RYR1: variants seen among roughly 807,000 people sequenced by gnomAD.
RYR1 encodes ryanodine receptor 1, also known as central core disease of muscle.
In RYR1, 342 loss-of-function variants were observed where a neutral mutation model predicts 583.5. The ratio of observed to expected loss-of-function variants is 0.59; its 90% CI spans 0.54 to 0.64. The LOEUF (loss-of-function observed/expected upper bound fraction) is 0.64. Ranked by LOEUF, RYR1 falls within the 30% of genes least tolerant of loss-of-function variation. RYR1 has a pLI of 0.00. For missense variants in RYR1, 6,032 were observed against 6,917.2 expected (o/e 0.87, Z 4.54); for synonymous variants, 2,791 against 2,822.5 (o/e 0.99, Z 0.35).
intron 89 of RYR1, among the ~76,000 whole-genome samples, chr19:38,554,455 GA>G (rs368763894): frequency 0.042 from 5,783 of 138,862 alleles, 172 homozygotes; most frequent in Middle Eastern, 0.064. Flanking sequence ...AGTCTCAAAA[GA>G]AAAAAAAAAT....
chr19:38,529,066 T>G lies in RYR1; in HGVS notation c.11141+9T>G, dbSNP rs765727775. On this transcript the variant is annotated intron_variant, in intron 76 of 105. Coordinates refer to ENST00000359596, the MANE Select transcript of RYR1 (RefSeq NM_000540.3). Reference sequence around the variant, plus strand: ...GCCCTGACGGAAAAGAGGTGAAGACTCTTGCCAGGGCCCCAGAAATGCCCC... The same window carrying G: ...GCCCTGACGGAAAAGAGGTGAAGACGCTTGCCAGGGCCCCAGAAATGCCCC... The G allele has an allele frequency of 3.9e-5, 63 of 1,613,224 alleles. No individual in the cohort carries two copies. The South Asian group carries it at 4.1e-4, about 10-fold the overall frequency.
Position 38,526,990 on chromosome 19 carries a change from C to T in RYR1, c.10627-3C>T. ...GTGACCCAGCCTGGCTCTGTCTCCC[C>T]AGAAAGACACAGATGAGGAGGTCCG... On this transcript the variant is annotated splice_polypyrimidine_tract_variant and splice_region_variant and intron_variant, in intron 71 of 105. Transcript: ENST00000359596. The T allele has an allele frequency of 6.2e-7, 1 of 1,613,774 alleles. No homozygotes were observed. The highest frequency in any genetic ancestry group is 1.3e-5 in the African/African-American group (1 of 74,982).
Position 38,458,260 on chromosome 19 carries a change from C to A in RYR1, c.2135C>A (p.Ser712Tyr), listed in dbSNP as rs1555769917. ...GGNGVGDDLY[S>Y]YGFDGLHLWT... ...AACGGGGTCGGCGATGACCTCTATTCCTACGGCTTTGATGGACTGCATCTC... is the reference window on the plus strand; with the variant it reads ...AACGGGGTCGGCGATGACCTCTATTACTACGGCTTTGATGGACTGCATCTC... The change falls in exon 18 of 106, where the codon TCC (serine) becomes TAC (tyrosine). Residue 712 changes from serine (S) to tyrosine (Y), a missense_variant. Transcript: ENST00000359596. The A allele has an allele frequency of 3.1e-6, 5 of 1,614,084 alleles. No individual in the cohort carries two copies. The highest frequency in any genetic ancestry group is 4.2e-6 in the Non-Finnish European group (5 of 1,180,014).
chr19:38,485,852 T>A lies in RYR1; in HGVS notation c.5197T>A (p.Tyr1733Asn), dbSNP rs756196473. ...CRSRRSMLSE[Y>N]IVPLTPETRA... Reference sequence around the variant, plus strand: ...CAGCCGCCGCTCCATGCTCTCTGAATACATCGTGCCCCTCACGCCTGAGAC... The same window carrying A: ...CAGCCGCCGCTCCATGCTCTCTGAAAACATCGTGCCCCTCACGCCTGAGAC... Residue 1733 changes from tyrosine to asparagine, a missense_variant, in exon 34 of 106, where the codon TAC becomes AAC. Transcript: ENST00000359596. The A allele has an allele frequency of 1.2e-6, 2 of 1,613,750 alleles. No homozygotes were observed. The highest frequency in any genetic ancestry group is 1.7e-6 in the Non-Finnish European group (2 of 1,179,966).
At position 38,496,388 on chromosome 19, in the gene RYR1, T is replaced by G. The variant is rs765710007; in HGVS notation, c.6664-21T>G. ...GGAGGCAGCCACAGAGGGCAGGCCC[T>G]GACCACCCTGCCTGTCCCAGGAGAT... is the stretch of plus-strand genomic sequence containing the variant. On this transcript the variant is annotated intron_variant, in intron 40 of 105. Transcript: ENST00000359596. The surrounding 1 kb of genome is among the most constrained non-coding windows in gnomAD (Gnocchi z 4.8). 1 of 1,613,794 alleles carries G rather than the reference T, an allele frequency of 6.2e-7. No individual in the cohort carries two copies. The highest frequency in any genetic ancestry group is 2.2e-5 in the East Asian group (1 of 44,878).
Position 38,565,589 on chromosome 19 carries a change from G to C in RYR1, c.13255G>C (p.Ala4419Pro). 1.4e-6 allele frequency: 2 copies of C among 1,463,712 alleles called. No individual in the cohort carries two copies. The highest frequency in any genetic ancestry group is 2.7e-5 in the South Asian group (2 of 74,656). 90.7% of individuals were successfully genotyped at this position (1,463,712 alleles called of 1,614,324 possible). A position where few individuals can be genotyped will look rare whatever the true frequency, so the allele number is the denominator to read the frequency against. The part of the protein sequence containing the change: ...SEGAGDAAEG[A>P]GDEEEAVHEA... ...GGGCGCTGGAGACGCCGCGGAGGGC[G>C]CTGGAGACGAGGAGGAGGCGGTGCA... is the stretch of plus-strand genomic sequence containing the variant. Residue 4419 changes from alanine to proline, a missense_variant, in exon 91 of 106, where the codon GCT (alanine) becomes CCT (proline). Ala to Pro is a conservative substitution (Grantham distance 27). Around this residue, in one of 11 missense-constraint regions of RYR1, gnomAD observed 753 missense variants for 759.6 expected, o/e 0.99. Transcript: ENST00000359596. This position sits in a 1 kb window ranked among gnomAD's most constrained non-coding sequence, Gnocchi z 4.7.
At chr19:38,479,715 T>A (rs1246586887) in intron 31 of RYR1, among the ~76,000 whole-genome samples, 2 of 149,918 alleles carry the variant, frequency 1.3e-5, no homozygotes, top group Non-Finnish European at 3.0e-5. Flanking sequence ...GCCTGGCTTA[T>A]TTTTTATTTT....
At chr19:38,562,820 TC>T (rs1339962880) in intron 90 of RYR1, among the ~76,000 whole-genome samples, 2 of 152,134 alleles carry the variant, frequency 1.3e-5, no homozygotes, top group East Asian at 3.9e-4. Context: ...TTTGGCATCT[TC>T]CCATGCCGCC....
intron 67 of RYR1, among the ~76,000 whole-genome samples, chr19:38,519,835 C>T (rs1019233817): frequency 1.3e-5 from 2 of 151,916 alleles, no homozygotes; most frequent in Non-Finnish European, 2.9e-5. Flanking sequence ...CATGCCACCA[C>T]GCCCAGCTAA....
chr19:38,546,549 G>A, intron 88 of RYR1, 23 bp downstream of exon 88: 1 of 1,600,608 alleles, frequency 6.2e-7, no homozygotes, highest in Admixed American at 1.7e-5. Flanking sequence ...GAGTGAGGGT[G>A]AGGGAACAGT....
rs776979677 is a variant in RYR1, at chr19:38,565,122, AGGGCGC to A, written c.12797_12802del (p.Gly4266_Ala4267del). The A allele has an allele frequency of 3.3e-6, 5 of 1,536,216 alleles. No homozygotes were observed. The Admixed American group carries it at 5.9e-5, about 18-fold the overall frequency. On this transcript the variant is annotated inframe_deletion, in exon 91 of 106. Transcript: ENST00000359596. This position sits in a 1 kb window ranked among gnomAD's most constrained non-coding sequence, Gnocchi z 4.7. ...GGCGAGCCGGAGACCGACGAGGACGAGGGCGCGGGCGCGGCGGAGGCGGGCGCGGAA... is the reference window on the plus strand; with the variant it reads ...GGCGAGCCGGAGACCGACGAGGACGAGGGCGCGGCGGAGGCGGGCGCGGAA...
rs1311461830 is a variant in RYR1, at chr19:38,536,618, G to T, written c.11591-132G>T. 3.9e-6 allele frequency: 4 copies of T among 1,030,698 alleles called. No individual in the cohort carries two copies. The Admixed American group carries it at 7.9e-5, about 20-fold the overall frequency. 63.8% of individuals were successfully genotyped at this position (1,030,698 alleles called of 1,614,324 possible). A position where few individuals can be genotyped will look rare whatever the true frequency, so the allele number is the denominator to read the frequency against. On this transcript the variant is annotated intron_variant, in intron 82 of 105. Transcript: ENST00000359596. Reference sequence around the variant, plus strand: ...TATCACTCTGCCTTTCTCTCTGTGGGTTGTTCCTCTCTCTCTGTGTGTCTT... The same window carrying T: ...TATCACTCTGCCTTTCTCTCTGTGGTTTGTTCCTCTCTCTCTGTGTGTCTT...
At position 38,502,794 on chromosome 19, in the gene RYR1, GGGGCAGGGGCAGGGGGAGGA is replaced by G. The variant is rs1568506610; in HGVS notation, c.7835+69_7836-65del. The G allele has an allele frequency of 4.7e-4, 516 of 1,098,218 alleles. 11 individuals are homozygous for G. In the African/African-American group the frequency reaches 0.01, roughly 21 times the overall value. The allele number at this position is 1,098,218 out of a possible 1,614,324, so 68.0% of individuals were successfully genotyped here. A position where few individuals can be genotyped will look rare whatever the true frequency, so the allele number is the denominator to read the frequency against. On this transcript the variant is annotated intron_variant, in intron 48 of 105. Coordinates refer to ENST00000359596, the MANE Select transcript of RYR1 (RefSeq NM_000540.3). ...AGGGGCAGGGGCAGGGGCAGGGGCA[GGGGCAGGGGCAGGGGGAGGA>G]GCAGGGGCAGGGGCAGCAGAGCGGG... is the stretch of plus-strand genomic sequence containing the variant.
At chr19:38,482,089 C>A (rs1483346672) in intron 31 of RYR1, among the ~76,000 whole-genome samples, 1 of 151,814 alleles carries the variant, frequency 6.6e-6, no homozygotes, top group Non-Finnish European at 1.5e-5. Flanking sequence ...GACGTCATCT[C>A]AAAAAAATAA....
Position 38,565,713 on chromosome 19 carries a change from C to G in RYR1, c.13379C>G (p.Thr4460Arg), listed in dbSNP as rs955320442. 2 of 1,426,144 alleles carry G rather than the reference C, an allele frequency of 1.4e-6. No individual in the cohort carries two copies. The highest frequency in any genetic ancestry group is 2.9e-5 in the East Asian group (1 of 34,000). 88.3% of individuals were successfully genotyped at this position (1,426,144 alleles called of 1,614,324 possible). ...GAGGLGDMGD[T>R]TPAEPPTPEG... ...GGCGGTCTCGGGGACATGGGGGACA[C>G]GACGCCTGCGGAACCGCCCACACCC... Residue 4460 changes from threonine (T) to arginine (R), a missense_variant, in exon 91 of 106, where the codon ACG (threonine) becomes AGG (arginine). By Grantham distance (71) the Thr-to-Arg change is moderately conservative. Around this residue, in one of 11 missense-constraint regions of RYR1, gnomAD observed 753 missense variants for 759.6 expected, o/e 0.99. Transcript: ENST00000359596. The surrounding 1 kb of genome is among the most constrained non-coding windows in gnomAD (Gnocchi z 4.7).
rs1240263625 is a variant in RYR1, at chr19:38,543,665, G to A, written c.11907+5G>A. On this transcript the variant is annotated splice_donor_5th_base_variant and intron_variant, in intron 86 of 105. Coordinates refer to ENST00000359596, the MANE Select transcript of RYR1 (RefSeq NM_000540.3). The surrounding 1 kb of genome is among the most constrained non-coding windows in gnomAD (Gnocchi z 4.4). Reference sequence around the variant, plus strand: ...AGCCTCACTGAGTACATCCAGGTAGGGCGCTCCCCCTGGGGCGGGAGTGGG... The same window carrying A: ...AGCCTCACTGAGTACATCCAGGTAGAGCGCTCCCCCTGGGGCGGGAGTGGG... 6.2e-7 allele frequency: 1 copy of A among 1,613,694 alleles called. No individual in the cohort carries two copies. Among genetic ancestry groups the A allele is most frequent in the Non-Finnish European group, 8.5e-7 (1 of 1,180,026 alleles).
intron 1 of RYR1, among the ~76,000 whole-genome samples, chr19:38,435,874 A>G (rs1972404980): frequency 6.6e-6 from 1 of 152,102 alleles, no homozygotes; most frequent in South Asian, 2.1e-4. Context: ...AATTTTACCC[A>G]GTTTATGTGT....
intron 73 of RYR1, chr19:38,528,032 T>G: frequency 1.6e-6 from 1 of 614,270 alleles, no homozygotes. Flanking sequence ...CTAGAGGAGA[T>G]GCGTTGAGTT....
chr19:38,495,686 C>T (rs932357041), intron 39 of RYR1, among the ~76,000 whole-genome samples: 1 of 152,102 alleles, frequency 6.6e-6, no homozygotes, highest in African/African-American at 2.4e-5. Flanking sequence ...GATCTCTGCC[C>T]TAGAGGAGCC....
Sources: gnomAD v4.1 joint callset for allele counts (sites outside exome capture counted in the v4.1 genomes callset) on GRCh38, gnomAD v4.1.1 for gene constraint, gnomAD v4.1.1 regional missense constraint, Gnocchi (gnomAD v3.1) non-coding constraint, MANE v1.5 for transcripts, NCBI Gene and HGNC (gene_info 2026-07-23, HGNC 2026-07-21) for gene names.